RTN1: variants seen among roughly 807,000 people sequenced by gnomAD.
The protein encoded by RTN1 is reticulon 1, also known as reticulon-1.
RTN1 carries 25 observed loss-of-function variants against 65.5 expected under a neutral mutation model. The observed-to-expected ratio is 0.38, with a 90% CI of 0.28 to 0.53. The LOEUF (loss-of-function observed/expected upper bound fraction) is 0.53. Ranked by LOEUF, RTN1 falls within the 20% of genes least tolerant of loss-of-function variation. The pLI is 0.79. For synonymous variants in RTN1, 471 were observed against 447.6 expected (o/e 1.05, Z -0.66); for missense variants, 983 against 1,025.4 (o/e 0.96, Z 0.57).
rs139021756 is a variant in RTN1 at position 59,597,051 on chromosome 14, A to T, written c.2289-264T>A. 9.2e-5 allele frequency among the ~76,000 whole-genome samples: 14 copies of T among 152,288 alleles called. No homozygotes were observed. The East Asian group carries it at 2.5e-3, about 27-fold the overall frequency. ...TCTTTTTAGGTGGAGGAACATATTGACTTATTTCAGGATTACAGAAACTGT... is the reference window on the plus strand; with the variant it reads ...TCTTTTTAGGTGGAGGAACATATTGTCTTATTTCAGGATTACAGAAACTGT... On this transcript the variant is annotated intron_variant, in intron 8 of 8. Transcript: ENST00000267484.
At chr14:59,808,663 T>G (rs868266127) in intron 1 of RTN1, among the ~76,000 whole-genome samples, 3 of 152,152 alleles carry the variant, frequency 2.0e-5, no homozygotes, top group South Asian at 4.1e-4. Context: ...ATTGTAATCC[T>G]TAATGTTGGC....
intron 1 of RTN1, among the ~76,000 whole-genome samples, chr14:59,759,396 C>A (rs1885703730): frequency 6.6e-6 from 1 of 152,114 alleles, no homozygotes; most frequent in African/African-American, 2.4e-5. Context: ...TACCTAATAT[C>A]TTTGTGCTTC....
In RTN1 at chr14:59,727,556, C is replaced by T. The variant is rs751832060; in HGVS notation, c.1128G>A (p.Pro376=). The part of the protein sequence containing the change: ...LSYETAENPR[P]VGQLADRPEV... Reference sequence around the variant, plus strand: ...CGGGCCTGTCGGCCAGCTGGCCCACCGGCCGTGGGTTCTCGGCGGTTTCAT... The same window carrying T: ...CGGGCCTGTCGGCCAGCTGGCCCACTGGCCGTGGGTTCTCGGCGGTTTCAT... The change falls in exon 3 of 9, where the codon CCG becomes CCA. Residue 376 remains proline (P), a synonymous_variant. Coordinates refer to ENST00000267484, the MANE Select transcript of RTN1 (RefSeq NM_021136.3). The surrounding 1 kb of genome is among the most constrained non-coding windows in gnomAD (Gnocchi z 4.2). 6.2e-7 allele frequency: 1 copy of T among 1,611,116 alleles called. No individual in the cohort carries two copies. The highest frequency in any genetic ancestry group is 8.5e-7 in the Non-Finnish European group (1 of 1,179,156).
intron 3 of RTN1, among the ~76,000 whole-genome samples, chr14:59,717,860 G>A (rs1004718623): frequency 4.6e-5 from 7 of 152,200 alleles, no homozygotes; most frequent in Non-Finnish European, 7.3e-5. Context: ...CTCTGAGGAC[G>A]TTGAGAGATC....
chr14:59,609,175 C>T (rs987097166), intron 3 of RTN1, among the ~76,000 whole-genome samples: 3 of 151,976 alleles, frequency 2.0e-5, no homozygotes, highest in Non-Finnish European at 4.4e-5. Context: ...ATCCCAGCGA[C>T]TCGGGAGGCT....
At chr14:59,725,775 C>T (rs1219358810) in intron 3 of RTN1, among the ~76,000 whole-genome samples, 1 of 152,172 alleles carries the variant, frequency 6.6e-6, no homozygotes, top group Non-Finnish European at 1.5e-5. Flanking sequence ...TAGCAGCTAG[C>T]TTCCAATTTA....
At position 59,849,996 on chromosome 14, in the gene RTN1, C is replaced by T. The variant is rs1365102248; in HGVS notation, c.241+20394G>A. Among the ~76,000 whole-genome samples the T allele has an allele frequency of 1.3e-5, 2 of 152,148 alleles. No individual in the cohort carries two copies. The highest frequency in any genetic ancestry group is 2.4e-5 in the African/African-American group (1 of 41,444). On this transcript the variant is annotated intron_variant, in intron 1 of 8. Coordinates refer to ENST00000267484, the MANE Select transcript of RTN1 (RefSeq NM_021136.3). The surrounding 1 kb of genome is among the most constrained non-coding windows in gnomAD (Gnocchi z 4.5). ...ATTTGTGTCCATTCCAGGGGCCAAG[C>T]CTCTCCTTTCACCGCCACCTCTTCC...
intron 1 of RTN1, among the ~76,000 whole-genome samples, chr14:59,791,643 A>G (rs928590286): frequency 3.3e-5 from 5 of 152,158 alleles, no homozygotes; most frequent in Non-Finnish European, 7.4e-5. Context: ...TGCCACATTA[A>G]CATCCTACTA....
At chr14:59,861,570 C>T (rs1045352935) in intron 1 of RTN1, among the ~76,000 whole-genome samples, 1 of 152,196 alleles carries the variant, frequency 6.6e-6, no homozygotes, top group Admixed American at 6.5e-5. Context: ...TTCCTTTCTG[C>T]TTTCCCCACA....
intron 3 of RTN1, among the ~76,000 whole-genome samples, chr14:59,648,987 A>T (rs1882961584): frequency 6.6e-6 from 1 of 152,196 alleles, no homozygotes; most frequent in African/African-American, 2.4e-5. Context: ...GTGTGATGCC[A>T]CTAGCTTTGT....
intron 3 of RTN1, among the ~76,000 whole-genome samples, chr14:59,612,470 G>A (rs1304718597): frequency 2.6e-5 from 4 of 152,144 alleles, no homozygotes; most frequent in Non-Finnish European, 4.4e-5. Context: ...GGTCTCCTCC[G>A]CAAGGTTTGA....
At chr14:59,761,457 C>A (rs1364193821) in intron 1 of RTN1, among the ~76,000 whole-genome samples, 1 of 152,150 alleles carries the variant, frequency 6.6e-6, no homozygotes, top group African/African-American at 2.4e-5. Context: ...TCCTCATTTG[C>A]CTTCTGCTAT....
At chr14:59,834,585 A>C (rs1182562905) in intron 1 of RTN1, among the ~76,000 whole-genome samples, 1 of 152,198 alleles carries the variant, frequency 6.6e-6, no homozygotes, top group African/African-American at 2.4e-5. Flanking sequence ...ATATATGGCT[A>C]GCAAAGAAGA....
At chr14:59,772,782 A>G (rs1171951327) in intron 1 of RTN1, among the ~76,000 whole-genome samples, 5 of 150,706 alleles carry the variant, frequency 3.3e-5, no homozygotes, top group East Asian at 3.9e-4. Context: ...ACCCATTAAT[A>G]AAATCATGAC....
At chr14:59,809,930 AT>A (rs1886699318) in intron 1 of RTN1, among the ~76,000 whole-genome samples, 1 of 152,144 alleles carries the variant, frequency 6.6e-6, no homozygotes, top group Non-Finnish European at 1.5e-5. Context: ...GCACTTTTAA[AT>A]TTCCTCTCAA....
At chr14:59,826,010 A>G (rs1346413634) in intron 1 of RTN1, among the ~76,000 whole-genome samples, 1 of 152,190 alleles carries the variant, frequency 6.6e-6, no homozygotes, top group African/African-American at 2.4e-5. Context: ...TAAATATATC[A>G]TAGAATACTT....
intron 1 of RTN1, among the ~76,000 whole-genome samples, chr14:59,787,706 G>A (rs563342243): frequency 7.2e-5 from 11 of 152,264 alleles, no homozygotes; most frequent in Non-Finnish European, 1.3e-4. Context: ...GGAAGAGGCT[G>A]GTGGCAGGGC....
chr14:59,646,801 A>G lies in RTN1; in HGVS notation c.1766-39309T>C, dbSNP rs562864720. On this transcript the variant is annotated intron_variant, in intron 3 of 8. Coordinates refer to ENST00000267484, the MANE Select transcript of RTN1 (RefSeq NM_021136.3). ...AGAGATCTTGAACGAAGCACTAAAT[A>G]TGGAAAGACCATTACCAGCCAATTA... 1.4e-3 allele frequency among the ~76,000 whole-genome samples: 220 copies of G among 152,288 alleles called. 1 individual carries two copies. The highest frequency in any genetic ancestry group is 1.9e-3 in the Non-Finnish European group (127 of 68,030).
At chr14:59,642,549 G>A (rs914358297) in intron 3 of RTN1, among the ~76,000 whole-genome samples, 13 of 151,672 alleles carry the variant, frequency 8.6e-5, no homozygotes, top group African/African-American at 3.1e-4. Flanking sequence ...ATTTGATATT[G>A]AGCTATCTTT....
Sources: allele counts gnomAD v4.1 joint callset (sites outside exome capture counted in the v4.1 genomes callset), GRCh38; gene constraint gnomAD v4.1.1; non-coding constraint Gnocchi (gnomAD v3.1); transcripts MANE v1.5; gene names NCBI Gene and HGNC (gene_info 2026-07-23, HGNC 2026-07-21).